FRMD4A: variants seen among roughly 807,000 people sequenced by gnomAD.
The protein encoded by FRMD4A is FERM domain containing 4A, also known as FERM domain-containing protein 4A.
Under a neutral mutation model 129.1 loss-of-function variants are expected in FRMD4A, and 29 were observed. That is an observed-to-expected ratio of 0.22 (90% CI 0.17 to 0.31). The LOEUF (loss-of-function observed/expected upper bound fraction) is 0.31. FRMD4A is among the 10% of genes least tolerant of loss of function. The pLI is 1.00. For synonymous variants in FRMD4A, 634 were observed against 571.6 expected (o/e 1.11, Z -1.56); for missense variants, 1,272 against 1,375.8 (o/e 0.92, Z 1.19).
chr10:14,239,887 C>T (rs950412772), intron 2 of FRMD4A, among the ~76,000 whole-genome samples: 4 of 152,198 alleles, frequency 2.6e-5, no homozygotes, highest in African/African-American at 7.2e-5. Context: ...TACTTTTAGC[C>T]AATCCATTCA....
chr10:13,989,985 G>T (rs2095597653), intron 2 of FRMD4A, among the ~76,000 whole-genome samples: 1 of 152,168 alleles, frequency 6.6e-6, no homozygotes, highest in African/African-American at 2.4e-5. Flanking sequence ...GATTCCAAGG[G>T]TCTCACTCTA....
intron 2 of FRMD4A, among the ~76,000 whole-genome samples, chr10:13,878,222 CAAAA>C (rs34559071): frequency 1.1e-4 from 10 of 91,308 alleles, no homozygotes; most frequent in Admixed American, 2.4e-4. Context: ...CTACTTGTAG[CAAAA>C]AAAAAAAAAA....
At chr10:14,102,650 A>T (rs1359631393) in intron 2 of FRMD4A, among the ~76,000 whole-genome samples, 2 of 152,176 alleles carry the variant, frequency 1.3e-5, no homozygotes, top group African/African-American at 2.4e-5. Flanking sequence ...TACTTCAGAG[A>T]AGCTTTTCCT....
chr10:14,010,305 C>T (rs1221373120), intron 2 of FRMD4A, among the ~76,000 whole-genome samples: 1 of 152,156 alleles, frequency 6.6e-6, no homozygotes, highest in Non-Finnish European at 1.5e-5. Context: ...TCATAAGGGA[C>T]ATTTTGATGA....
At chr10:13,727,804 C>T (rs1032380291) in intron 12 of FRMD4A, 1 of 152,324 alleles carries the variant, frequency 6.6e-6, no homozygotes, top group Non-Finnish European at 1.5e-5. Flanking sequence ...AGGTCTATGG[C>T]CATACTGCCC....
intron 20 of FRMD4A, among the ~76,000 whole-genome samples, chr10:13,660,108 GC>G (rs2082517333): frequency 6.6e-6 from 1 of 152,206 alleles, no homozygotes; most frequent in Non-Finnish European, 1.5e-5. Context: ...GTGGGCCAAA[GC>G]CCCAATTTCT....
chr10:13,733,368 G>A (rs1331622716), intron 12 of FRMD4A, among the ~76,000 whole-genome samples: 1 of 152,212 alleles, frequency 6.6e-6, no homozygotes, highest in Non-Finnish European at 1.5e-5. Flanking sequence ...ACATCTTAGC[G>A]GGGTGGGGGG....
At chr10:14,128,036 CTTTCT>C (rs1313252873) in intron 2 of FRMD4A, among the ~76,000 whole-genome samples, 1,910 of 130,226 alleles carry the variant, frequency 0.015, 110 homozygotes, top group African/African-American at 0.031. Context: ...TCCTTCCTTC[CTTTCT>C]TTCCCTCTTT....
chr10:13,694,690 A>C (rs2086047929), intron 14 of FRMD4A, among the ~76,000 whole-genome samples: 3 of 152,124 alleles, frequency 2.0e-5, no homozygotes, highest in Admixed American at 1.3e-4. Context: ...CTATACAAAA[A>C]AATTAGCCAG....
chr10:13,794,408 A>G (rs1588756071), intron 5 of FRMD4A, among the ~76,000 whole-genome samples: 1 of 151,334 alleles, frequency 6.6e-6, no homozygotes, highest in African/African-American at 2.4e-5. Context: ...AAAAAAAAAA[A>G]AAAATTAAAA....
chr10:13,682,360 C>T (rs958736716), intron 15 of FRMD4A, among the ~76,000 whole-genome samples: 1 of 152,098 alleles, frequency 6.6e-6, no homozygotes, highest in South Asian at 2.1e-4. Flanking sequence ...TACCACCCAC[C>T]GTGGCCACAT....
intron 3 of FRMD4A, among the ~76,000 whole-genome samples, chr10:13,824,129 T>C (rs1019950476): frequency 6.6e-6 from 1 of 151,982 alleles, no homozygotes; most frequent in South Asian, 2.1e-4. Context: ...ACCCTGCATA[T>C]CCACAGGTTC....
At chr10:13,838,174 T>C (rs2093905690) in intron 3 of FRMD4A, among the ~76,000 whole-genome samples, 1 of 151,994 alleles carries the variant, frequency 6.6e-6, no homozygotes, top group African/African-American at 2.4e-5. Context: ...CTGAAGCCTC[T>C]ACCTCCTGGG....
chr10:13,654,478 C>CGGTGTCGAGCTTCTCTGGCTTTGA lies in FRMD4A; in HGVS notation c.2964_2987dup (p.Gln989_Pro996dup), dbSNP rs758083736. 1 of 1,613,784 alleles carries CGGTGTCGAGCTTCTCTGGCTTTGA rather than the reference C, an allele frequency of 6.2e-7. No individual in the cohort carries two copies. Among genetic ancestry groups the CGGTGTCGAGCTTCTCTGGCTTTGA allele is most frequent in the East Asian group, 2.2e-5 (1 of 44,886 alleles). On this transcript the variant is annotated inframe_insertion, in exon 23 of 25. Coordinates refer to ENST00000357447, the MANE Select transcript of FRMD4A (RefSeq NM_018027.5). ...GGGGGGTGGCTCCAATTTCACTTGA[C>CGGTGTCGAGCTTCTCTGGCTTTGA]GGTGTCGAGCTTCTCTGGCTTTGAG...
At chr10:14,328,026 G>A (rs941516054) in intron 2 of FRMD4A, among the ~76,000 whole-genome samples, 1 of 152,010 alleles carries the variant, frequency 6.6e-6, no homozygotes, top group Non-Finnish European at 1.5e-5. Flanking sequence ...AATTACTTTG[G>A]GGTTTACCCT....
chr10:14,251,566 T>C (rs1218375), intron 2 of FRMD4A, among the ~76,000 whole-genome samples: 36,491 of 152,166 alleles, frequency 0.24, 6,012 homozygotes, highest in African/African-American at 0.47. Context: ...AAATGACTGT[T>C]ATCTCAAGCC....
At chr10:13,753,744 T>A (rs553319070) in intron 8 of FRMD4A, among the ~76,000 whole-genome samples, 3 of 152,142 alleles carry the variant, frequency 2.0e-5, no homozygotes, top group Admixed American at 2.0e-4. Flanking sequence ...GAGGTCTCAC[T>A]ATGTTGCCTA....
chr10:14,153,938 G>A (rs1256850612), intron 2 of FRMD4A, among the ~76,000 whole-genome samples: 1 of 152,186 alleles, frequency 6.6e-6, no homozygotes, highest in African/African-American at 2.4e-5. Context: ...CTCCGCCTCT[G>A]CCCTCCAGTA....
chr10:14,208,901 C>T (rs1438481844), intron 2 of FRMD4A, among the ~76,000 whole-genome samples: 4 of 152,176 alleles, frequency 2.6e-5, no homozygotes, highest in African/African-American at 7.2e-5. Flanking sequence ...ACTTTTTCCC[C>T]TCCCAAACTC....
Sources: gnomAD v4.1 joint callset for allele counts (sites outside exome capture counted in the v4.1 genomes callset) on GRCh38, gnomAD v4.1.1 for gene constraint, MANE v1.5 for transcripts, NCBI Gene and HGNC (gene_info 2026-07-23, HGNC 2026-07-21) for gene names.